The following UBN2 variants were observed in gnomAD, a reference collection of about 807,000 sequenced individuals.
The protein encoded by UBN2 is ubinuclein-2.
In UBN2, 35 loss-of-function variants were observed where a neutral mutation model predicts 120.2. That is an observed-to-expected ratio of 0.29 (90% CI 0.22 to 0.39). The LOEUF is 0.39. Among genes scored for constraint, UBN2 ranks in the 10% least tolerant of loss-of-function variants. The pLI, the probability that UBN2 is intolerant of heterozygous loss-of-function variation, is 1.00. For synonymous variants in UBN2, 661 were observed against 648.7 expected, an observed-to-expected ratio of 1.02 and a Z score of -0.29; for missense variants, 1,693 against 1,663.2, an observed-to-expected ratio of 1.02 and a Z score of -0.31.
chr7:139,324,523 T>C, the UBN2 span, among the ~76,000 whole-genome samples: 1 of 118,928 alleles, frequency 8.4e-6, no homozygotes, highest in South Asian at 2.6e-4. Context: ...GCCACAGCAC[T>C]CCAGCCTGGG....
intron 15 of UBN2, among the ~76,000 whole-genome samples, chr7:139,287,925 A>G (rs1013106154): frequency 4.6e-5 from 7 of 152,172 alleles, no homozygotes; most frequent in African/African-American, 1.4e-4. Flanking sequence ...TCATTTGCAG[A>G]GTGAAAATGA....
chr7:139,280,688 C>T (rs1797582060), intron 13 of UBN2, among the ~76,000 whole-genome samples: 2 of 152,180 alleles, frequency 1.3e-5, no homozygotes, highest in Admixed American at 1.3e-4. Context: ...CTCTATCACC[C>T]AGGCTGGAGT....
At position 139,275,032 on chromosome 7, in the gene UBN2, C is replaced by T. The variant is rs560881642; in HGVS notation, c.1973+958C>T. Among the ~76,000 whole-genome samples, 13 of 152,154 alleles carry T rather than the reference C, an allele frequency of 8.5e-5. No homozygotes were observed. The East Asian group carries it at 2.5e-3, about 29-fold the overall frequency. On this transcript the variant is annotated intron_variant, in intron 11 of 17. Coordinates refer to ENST00000473989, the MANE Select transcript of UBN2 (RefSeq NM_173569.4). ...GTGGCTCACACCTGTAATAGCAGCACTTTGGGAGGCCGAGGCTGGTGGATC... is the reference window on the plus strand; with the variant it reads ...GTGGCTCACACCTGTAATAGCAGCATTTTGGGAGGCCGAGGCTGGTGGATC...
intron 9 of UBN2, among the ~76,000 whole-genome samples, 194 bp downstream of exon 9, chr7:139,272,634 C>A (rs1347229911): frequency 1.3e-5 from 2 of 152,112 alleles, no homozygotes; most frequent in Non-Finnish European, 2.9e-5. Context: ...TCAAGCCATT[C>A]TCCTGCCTCA....
At chr7:139,323,586 ATTATTATT>A in the UBN2 span, among the ~76,000 whole-genome samples, 1 of 139,996 alleles carries the variant, frequency 7.1e-6, no homozygotes. Flanking sequence ...TATTATTATT[ATTATTATT>A]ATTATTATTT....
At chr7:139,287,990 C>G (rs1013336083) in intron 15 of UBN2, among the ~76,000 whole-genome samples, 1 of 152,198 alleles carries the variant, frequency 6.6e-6, no homozygotes, top group African/African-American at 2.4e-5. Flanking sequence ...AGGTTGTTAG[C>G]TCTGCTTGCT....
intron 15 of UBN2, among the ~76,000 whole-genome samples, chr7:139,292,723 G>C (rs923301985): frequency 6.6e-6 from 1 of 152,202 alleles, no homozygotes; most frequent in Non-Finnish European, 1.5e-5. Context: ...AGTTCTACAC[G>C]GTGAGAATTC....
intron 2 of UBN2, among the ~76,000 whole-genome samples, chr7:139,240,917 GT>G (rs1194997329): frequency 6.6e-6 from 1 of 152,152 alleles, no homozygotes; most frequent in Non-Finnish European, 1.5e-5. Flanking sequence ...CTAAGTCCAA[GT>G]TTTGACATTT....
chr7:139,235,792 C>G (rs988556183), intron 1 of UBN2, among the ~76,000 whole-genome samples: 1 of 152,180 alleles, frequency 6.6e-6, no homozygotes, highest in African/African-American at 2.4e-5. Flanking sequence ...TTAAAGTTAA[C>G]TCCTTTAAAG....
intron 6 of UBN2, among the ~76,000 whole-genome samples, chr7:139,265,816 T>G (rs1447916991): frequency 6.6e-6 from 1 of 152,134 alleles, no homozygotes; most frequent in Non-Finnish European, 1.5e-5. Flanking sequence ...AGGAACAAGG[T>G]CTTCCCTAGA....
downstream of UBN2, among the ~76,000 whole-genome samples, chr7:139,310,278 C>G (rs888384838): frequency 2.7e-5 from 4 of 150,836 alleles, no homozygotes; most frequent in African/African-American, 9.8e-5. Flanking sequence ...AGTAATCTAT[C>G]CTGGGCAACA....
chr7:139,264,796 G>T (rs556018394), intron 6 of UBN2, among the ~76,000 whole-genome samples: 3 of 152,086 alleles, frequency 2.0e-5, no homozygotes, highest in African/African-American at 4.8e-5. Flanking sequence ...CACCATGTTC[G>T]TTAGGATGTC....
At chr7:139,252,549 T>A (rs897474673) in intron 3 of UBN2, among the ~76,000 whole-genome samples, 17 of 152,226 alleles carry the variant, frequency 1.1e-4, no homozygotes, top group Non-Finnish European at 4.4e-5. Flanking sequence ...TTTTAAAATG[T>A]AAAATCCATT....
At chr7:139,249,243 G>A (rs1343315450) in intron 2 of UBN2, among the ~76,000 whole-genome samples, 2 of 152,146 alleles carry the variant, frequency 1.3e-5, no homozygotes, top group Non-Finnish European at 2.9e-5. Flanking sequence ...GGTGATGATG[G>A]TATAGTAATC....
At chr7:139,272,175 G>A (rs1323555319) in intron 8 of UBN2, 147 bp from the exon 9 acceptor site, 2 of 595,684 alleles carry the variant, frequency 3.4e-6, no homozygotes, top group Admixed American at 6.2e-5. Flanking sequence ...AAAAGTCAGT[G>A]CTGTAGAAGA....
At chr7:139,267,117 A>G (rs933041664) in intron 7 of UBN2, among the ~76,000 whole-genome samples, 1 of 152,248 alleles carries the variant, frequency 6.6e-6, no homozygotes, top group Non-Finnish European at 1.5e-5. Context: ...AGAATCAGGT[A>G]TATAATTGGA....
chr7:139,282,059 A>G lies in UBN2; in HGVS notation c.2118+4A>G, dbSNP rs941332558. Reference sequence around the variant, plus strand: ...TTCTTTCCCCACTATGCTTAAGGTAAGTGCTATGGTTGTATCAATCAGTAT... The same window carrying G: ...TTCTTTCCCCACTATGCTTAAGGTAGGTGCTATGGTTGTATCAATCAGTAT... On this transcript the variant is annotated splice_donor_region_variant and intron_variant, in intron 14 of 17. Transcript: ENST00000473989. 6.2e-7 allele frequency: 1 copy of G among 1,613,282 alleles called. No homozygotes were observed. The highest frequency in any genetic ancestry group is 1.3e-5 in the African/African-American group (1 of 75,018).
chr7:139,329,032 G>A, the UBN2 span, among the ~76,000 whole-genome samples: 1 of 151,932 alleles, frequency 6.6e-6, no homozygotes, highest in Non-Finnish European at 1.5e-5. Flanking sequence ...GATCACTTGA[G>A]CCCAGGCATT....
chr7:139,270,983 C>T (rs1007894006), intron 8 of UBN2, among the ~76,000 whole-genome samples: 1 of 151,732 alleles, frequency 6.6e-6, no homozygotes, highest in Admixed American at 6.6e-5. Context: ...CAGGGTTCTC[C>T]ATTCTCCAGG....
Sources: gnomAD v4.1 joint callset for allele counts (sites outside exome capture counted in the v4.1 genomes callset) on GRCh38, gnomAD v4.1.1 for gene constraint, MANE v1.5 for transcripts, NCBI Gene and HGNC (gene_info 2026-07-23, HGNC 2026-07-21) for gene names.